Variants in TTC8 observed in about 807,000 individuals in gnomAD.
TTC8 encodes the protein tetratricopeptide repeat protein 8.
In TTC8, 47 loss-of-function variants were observed where a neutral mutation model predicts 72.5. The ratio of observed to expected loss-of-function variants is 0.65; its 90% CI spans 0.51 to 0.83. The LOEUF is 0.83. TTC8 is among the 40% of genes least tolerant of loss of function. The probability of loss-of-function intolerance (pLI) is 0.00; values close to 1 mark genes in which losing one functional copy is unlikely to be tolerated. For synonymous variants in TTC8, 199 were observed against 221.4 expected (o/e 0.90, Z 0.90); for missense variants, 611 against 623.2 (o/e 0.98, Z 0.21).
At chr14:88,875,180 A>G (rs2094952187) in intron 14 of TTC8, 71 bp downstream of exon 14, 1 of 1,329,992 alleles carries the variant, frequency 7.5e-7, no homozygotes, top group Non-Finnish European at 1.1e-6. Context: ...AAAAGTACAA[A>G]TAAATGAGGA....
chr14:88,849,185 T>C (rs1331617518), intron 7 of TTC8, among the ~76,000 whole-genome samples: 4 of 152,152 alleles, frequency 2.6e-5, no homozygotes, highest in African/African-American at 9.7e-5. Flanking sequence ...CTTTGATGGG[T>C]GCTAGGGGTG....
chr14:88,833,009 C>T (rs965724104), intron 1 of TTC8, among the ~76,000 whole-genome samples: 3 of 152,280 alleles, frequency 2.0e-5, no homozygotes, highest in East Asian at 1.9e-4. Context: ...ATGGTTTGCA[C>T]ATTGCTTGTA....
intron 13 of TTC8, among the ~76,000 whole-genome samples, chr14:88,873,463 ATGTG>A (rs2094943777): frequency 1.3e-5 from 2 of 152,190 alleles, no homozygotes; most frequent in Admixed American, 1.3e-4. Flanking sequence ...TTTCATATAT[ATGTG>A]TAGGATGTAG....
intron 8 of TTC8, among the ~76,000 whole-genome samples, chr14:88,856,925 A>G (rs1284917112): frequency 6.6e-6 from 1 of 152,202 alleles, no homozygotes; most frequent in Non-Finnish European, 1.5e-5. Flanking sequence ...GACCTGGCTT[A>G]CTAGCAGCTA....
downstream of TTC8, chr14:88,878,184 G>A (rs1253371467): frequency 6.6e-6 from 1 of 152,116 alleles, no homozygotes; most frequent in Non-Finnish European, 1.5e-5. Flanking sequence ...ATTAGAAATA[G>A]AGTCACAGGC....
At chr14:88,855,289 A>G (rs1222383019) in intron 8 of TTC8, among the ~76,000 whole-genome samples, 3 of 152,084 alleles carry the variant, frequency 2.0e-5, no homozygotes, top group Non-Finnish European at 2.9e-5. Flanking sequence ...TTCATTTTTC[A>G]TCTCCTTACC....
At chr14:88,824,626 C>T (rs989319011), upstream of TTC8, 14 of 1,189,588 alleles carry the variant, frequency 1.2e-5, no homozygotes, top group Non-Finnish European at 1.7e-5. Flanking sequence ...GGTTGCCGGG[C>T]AGAGTCGGAC....
At chr14:88,853,276 A>G (rs577809625) in intron 8 of TTC8, among the ~76,000 whole-genome samples, 1 of 152,334 alleles carries the variant, frequency 6.6e-6, no homozygotes, top group Non-Finnish European at 1.5e-5. Context: ...CTTTGAGACC[A>G]TCAGGCCCAA....
chr14:88,845,558 T>C (rs1460091744), intron 7 of TTC8, among the ~76,000 whole-genome samples: 1 of 152,124 alleles, frequency 6.6e-6, no homozygotes, highest in African/African-American at 2.4e-5. Context: ...TGCACACTTC[T>C]GTAAATAAAA....
intron 10 of TTC8, among the ~76,000 whole-genome samples, chr14:88,867,350 T>C (rs534953922): frequency 6.6e-6 from 1 of 152,328 alleles, no homozygotes; most frequent in East Asian, 1.9e-4. Flanking sequence ...AGAAGTATTA[T>C]TTAAAAATAT....
chr14:88,845,982 C>T (rs2094804433), intron 7 of TTC8, among the ~76,000 whole-genome samples: 1 of 150,970 alleles, frequency 6.6e-6, no homozygotes, highest in Non-Finnish European at 1.5e-5. Flanking sequence ...GGGGAGGATG[C>T]TATTTTGGAT....
intron 14 of TTC8, 77 bp from the exon 15 acceptor site, chr14:88,877,217 G>A: frequency 9.4e-7 from 1 of 1,060,156 alleles, no homozygotes; most frequent in East Asian, 2.4e-5. Context: ...CAGATACTAT[G>A]TCTTATTTTC....
At chr14:88,840,986 T>C in intron 4 of TTC8, 51 bp from the exon 5 acceptor site, 2 of 1,613,738 alleles carry the variant, frequency 1.2e-6, no homozygotes, top group Non-Finnish European at 1.7e-6. Context: ...TGTATGAGAG[T>C]CTTTCCTCAA....
chr14:88,869,751 G>A (rs1229389292), intron 10 of TTC8, among the ~76,000 whole-genome samples: 1 of 151,990 alleles, frequency 6.6e-6, no homozygotes, highest in Non-Finnish European at 1.5e-5. Flanking sequence ...CTCCAAAGTG[G>A]CCCCTTCCGC....
chr14:88,839,332 A>T, intron 2 of TTC8, 120 bp from the exon 3 acceptor site: 1 of 1,006,914 alleles, frequency 9.9e-7, no homozygotes, highest in Non-Finnish European at 1.4e-6. Flanking sequence ...ATAATGTGTT[A>T]AGAGGTAAAC....
intron 10 of TTC8, among the ~76,000 whole-genome samples, chr14:88,866,344 T>C (rs990766410): frequency 4.6e-5 from 7 of 151,380 alleles, no homozygotes; most frequent in Non-Finnish European, 7.4e-5. Context: ...TTCCTCAAAC[T>C]ACACATTGCT....
At chr14:88,875,639 C>G (rs1257462535) in intron 14 of TTC8, among the ~76,000 whole-genome samples, 1 of 152,112 alleles carries the variant, frequency 6.6e-6, no homozygotes, top group African/African-American at 2.4e-5. Context: ...AAAAAGACAT[C>G]TAATAACTAG....
intron 1 of TTC8, among the ~76,000 whole-genome samples, chr14:88,829,343 C>T (rs2094715879): frequency 1.3e-5 from 2 of 152,148 alleles, no homozygotes; most frequent in Admixed American, 1.3e-4. Flanking sequence ...GCAAAACAGT[C>T]CTCTCCGTAC....
chr14:88,872,285 G>A (rs1566859810), intron 12 of TTC8, 45 bp from the exon 13 acceptor site: 1 of 1,611,720 alleles, frequency 6.2e-7, no homozygotes, highest in Non-Finnish European at 8.5e-7. Flanking sequence ...AAGGGAGGAG[G>A]AAGTAAACGG....
Sources: gnomAD v4.1 joint callset for allele counts (sites outside exome capture counted in the v4.1 genomes callset) on GRCh38, gnomAD v4.1.1 for gene constraint, MANE v1.5 for transcripts, NCBI Gene and HGNC (gene_info 2026-07-23, HGNC 2026-07-21) for gene names.